FBLN1: variants seen among roughly 807,000 people sequenced by gnomAD.
FBLN1 encodes the protein fibulin-1.
In FBLN1, 34 loss-of-function variants were observed where a neutral mutation model predicts 89.7. The ratio of observed to expected loss-of-function variants is 0.38; its 90% CI spans 0.29 to 0.50. The LOEUF (loss-of-function observed/expected upper bound fraction) is 0.50. Ranked by LOEUF, FBLN1 falls within the 20% of genes least tolerant of loss-of-function variation. The probability of loss-of-function intolerance (pLI) is 0.92; values close to 1 mark genes in which losing one functional copy is unlikely to be tolerated. For missense variants in FBLN1, 777 were observed against 988.1 expected (o/e 0.79, Z 2.86); for synonymous variants, 393 against 391.3 (o/e 1.00, Z -0.05).
chr22:45,531,401 T>C lies in FBLN1; in HGVS notation c.544+77T>C. ...CCAGCAAGGTGGCTCAGGCCTGTAATCCTAGTACTTTGGGAAGCCAAGGCA... is the reference window on the plus strand; with the variant it reads ...CCAGCAAGGTGGCTCAGGCCTGTAACCCTAGTACTTTGGGAAGCCAAGGCA... On this transcript the variant is annotated intron_variant, in intron 5 of 16. Transcript: ENST00000327858. The surrounding 1 kb of genome is among the most constrained non-coding windows in gnomAD (Gnocchi z 4.9). The C allele has an allele frequency of 7.6e-7, 1 of 1,311,518 alleles. No homozygotes were observed. Among genetic ancestry groups the C allele is most frequent in the Non-Finnish European group, 1.1e-6 (1 of 906,814 alleles). 81.2% of individuals were successfully genotyped at this position (1,311,518 alleles called of 1,614,324 possible).
In FBLN1 at chr22:45,600,230, A is replaced by G. The variant is rs2071871; in HGVS notation, c.1973-77A>G. The G allele has an allele frequency of 0.2, 315,375 of 1,583,306 alleles. 43,077 individuals are homozygous for G. The highest frequency in any genetic ancestry group is 0.7 in the African/African-American group (52,347 of 74,466). ...CCTCCTTCTAGCTCTGAAACTCCTC[A>G]AGGGAAACCATTTCCCAGATCTCTA... is the stretch of plus-strand genomic sequence containing the variant. On this transcript the variant is annotated intron_variant, in intron 16 of 16. Coordinates refer to ENST00000327858, the MANE Select transcript of FBLN1 (RefSeq NM_006486.3).
intron 1 of FBLN1, among the ~76,000 whole-genome samples, chr22:45,508,823 G>C (rs1260186787): frequency 6.6e-6 from 1 of 152,194 alleles, no homozygotes; most frequent in East Asian, 1.9e-4. Flanking sequence ...CTTAGGGCAG[G>C]CATGGGGGCA....
chr22:45,576,467 A>G lies in FBLN1; in HGVS notation c.1841-510A>G, dbSNP rs1297904533. Among the ~76,000 whole-genome samples the G allele has an allele frequency of 2.0e-5, 3 of 151,880 alleles. No homozygotes were observed. The highest frequency in any genetic ancestry group is 4.8e-5 in the African/African-American group (2 of 41,334). On this transcript the variant is annotated intron_variant, in intron 15 of 16. Coordinates refer to ENST00000327858, the MANE Select transcript of FBLN1 (RefSeq NM_006486.3). The surrounding 1 kb of genome is among the most constrained non-coding windows in gnomAD (Gnocchi z 5.2). The stretch of plus-strand genomic sequence containing the variant: ...GAGGCCCACAGAGAGGACTCCCCCA[A>G]GACAGCCCAGAGCTGGGGCTGCCCT...
At position 45,600,902 on chromosome 22, in the gene FBLN1, C is replaced by T. The variant is rs7381; in HGVS notation, c.*456C>T. On this transcript the variant is annotated 3_prime_UTR_variant, in exon 17 of 17. Transcript: ENST00000327858. ...CATGGCTGCTGTAGAATAGCACAGA[C>T]GTGGATGATAAATTATCCCCAGAAG... is the stretch of plus-strand genomic sequence containing the variant. The T allele has an allele frequency of 0.1, 21,931 of 220,398 alleles. 1,467 individuals carry two copies. The highest frequency in any genetic ancestry group is 0.2 in the African/African-American group (8,527 of 42,632). 13.7% of individuals were successfully genotyped at this position (220,398 alleles called of 1,614,324 possible). A position where few individuals can be genotyped will look rare whatever the true frequency, so the allele number is the denominator to read the frequency against.
intron 1 of FBLN1, among the ~76,000 whole-genome samples, chr22:45,508,934 T>C (rs757644760): frequency 6.6e-6 from 1 of 152,192 alleles, no homozygotes; most frequent in Non-Finnish European, 1.5e-5. Context: ...AAAGAGACCA[T>C]GCAAGAAAGA....
At chr22:45,516,009 GGC>G (rs2088165055) in intron 1 of FBLN1, among the ~76,000 whole-genome samples, 1 of 152,210 alleles carries the variant, frequency 6.6e-6, no homozygotes, top group Non-Finnish European at 1.5e-5. Flanking sequence ...AGACATTTGT[GGC>G]TATGAGGGTA....
rs1019878569 is a variant in FBLN1, at chr22:45,525,404, G to A, written c.186-139G>A. ...TGAGCTCCTTCTGTATGCCACTGGG[G>A]CACTGTGTATTTCTCTCTCTGTGTC... is the stretch of plus-strand genomic sequence containing the variant. On this transcript the variant is annotated intron_variant, in intron 2 of 16. Transcript: ENST00000327858. 6.5e-6 allele frequency: 5 copies of A among 769,922 alleles called. No homozygotes were observed. In the Admixed American group the frequency reaches 1.1e-4, roughly 17 times the overall value. The allele number at this position is 769,922 out of a possible 1,614,324, so 47.7% of individuals were successfully genotyped here.
Position 45,588,927 on chromosome 22 carries a change from G to A in FBLN1, c.1973-11380G>A, listed in dbSNP as rs939981672. ...CGCCATTACCTGGCCAGCACCGGGA[G>A]GATGTCAGGTGCTTCCAGGCGGACT... On this transcript the variant is annotated intron_variant, in intron 16 of 16. Transcript: ENST00000327858. The surrounding 1 kb of genome is among the most constrained non-coding windows in gnomAD (Gnocchi z 5.1). Among the ~76,000 whole-genome samples, 2 of 151,864 alleles carry A rather than the reference G, an allele frequency of 1.3e-5. No individual in the cohort carries two copies. The highest frequency in any genetic ancestry group is 2.9e-5 in the Non-Finnish European group (2 of 67,972).
At chr22:45,515,455 G>A (rs1034127286) in intron 1 of FBLN1, among the ~76,000 whole-genome samples, 1 of 152,196 alleles carries the variant, frequency 6.6e-6, no homozygotes, top group African/African-American at 2.4e-5. Flanking sequence ...TGATTGTCCT[G>A]CTGAGAGTGA....
rs970944689 is a variant in FBLN1 at position 45,597,778 on chromosome 22, G to A, written c.1973-2529G>A. Among the ~76,000 whole-genome samples, 4 of 152,252 alleles carry A rather than the reference G, an allele frequency of 2.6e-5. No homozygotes were observed. Among genetic ancestry groups the A allele is most frequent in the African/African-American group, 7.2e-5 (3 of 41,472 alleles). Reference sequence around the variant, plus strand: ...GCAAGGGTGCTGACAGCCTGCAGAAGCCTGTGCTTATCTCTCCATCGGAGC... The same window carrying A: ...GCAAGGGTGCTGACAGCCTGCAGAAACCTGTGCTTATCTCTCCATCGGAGC... On this transcript the variant is annotated intron_variant, in intron 16 of 16. Coordinates refer to ENST00000327858, the MANE Select transcript of FBLN1 (RefSeq NM_006486.3). The surrounding 1 kb of genome is among the most constrained non-coding windows in gnomAD (Gnocchi z 4.2).
At chr22:45,551,094 C>T (rs2049605167) in intron 14 of FBLN1, 7 of 255,670 alleles carry the variant, frequency 2.7e-5, no homozygotes, top group South Asian at 5.2e-5. Context: ...GCCTGGTGAC[C>T]GTGTGGGAAC....
intron 16 of FBLN1, among the ~76,000 whole-genome samples, chr22:45,596,071 G>A (rs528811162): frequency 8.5e-5 from 13 of 152,222 alleles, no homozygotes; most frequent in East Asian, 1.9e-4. Flanking sequence ...GGGTTTCACC[G>A]TGTTAGCCAG....
At chr22:45,510,279 TCCCTGGATCCTG>T (rs2088081846) in intron 1 of FBLN1, among the ~76,000 whole-genome samples, 1 of 152,030 alleles carries the variant, frequency 6.6e-6, no homozygotes, top group Non-Finnish European at 1.5e-5. Context: ...TTTGTAGAGG[TCCCTGGATCCTG>T]CTTTGCTTTC....
chr22:45,535,381 G>T (rs777194040), intron 8 of FBLN1, 44 bp downstream of exon 8: 5 of 1,612,074 alleles, frequency 3.1e-6, no homozygotes, highest in East Asian at 4.5e-5. Flanking sequence ...TCCAGGAGGG[G>T]CCAGCGACCT....
intron 13 of FBLN1, 151 bp downstream of exon 13, chr22:45,548,895 C>T (rs965831470): frequency 8.2e-7 from 1 of 1,225,850 alleles, no homozygotes. Context: ...CCCACCCCAT[C>T]CAAGGGGTGT....
chr22:45,533,007 A>C, intron 5 of FBLN1, 56 bp from the exon 6 acceptor site: 1 of 1,517,082 alleles, frequency 6.6e-7, no homozygotes, highest in Non-Finnish European at 9.1e-7. Context: ...ACGGAGCTAG[A>C]AACCAGGCGG....
chr22:45,546,423 C>T (rs1400541602), intron 11 of FBLN1, among the ~76,000 whole-genome samples: 1 of 152,224 alleles, frequency 6.6e-6, no homozygotes, highest in Non-Finnish European at 1.5e-5. Flanking sequence ...ATCATGCTGG[C>T]CAGGCTGGTC....
chr22:45,574,545 A>G lies in FBLN1; in HGVS notation c.1732A>G (p.Ile578Val). The stretch of plus-strand genomic sequence containing the variant: ...GGAGAAGACAGACACGGTCCGCTGC[A>G]TCAAGTCCTGCCGCCCCAACGATGT... ...QQEKTDTVRC[I>V]KSCRPNDVTC... The change falls in exon 15 of 17, where the codon ATC (isoleucine) becomes GTC (valine). Residue 578 changes from isoleucine to valine, a missense_variant. Transcript: ENST00000327858. The surrounding 1 kb of genome is among the most constrained non-coding windows in gnomAD (Gnocchi z 4.1). 6.2e-7 allele frequency: 1 copy of G among 1,614,182 alleles called. No homozygotes were observed. Among genetic ancestry groups the G allele is most frequent in the Non-Finnish European group, 8.5e-7 (1 of 1,180,042 alleles).
chr22:45,600,432 G>A lies in FBLN1; in HGVS notation c.2098G>A (p.Glu700Lys), dbSNP rs921376056. The change falls in exon 17 of 17, where the codon GAG becomes AAG. Residue 700 changes from glutamate to lysine, a missense_variant. Transcript: ENST00000327858. ...NVVNVHIFVS[E>K]YWF ...TGTCAACGTCCACATCTTCGTCTCT[G>A]AGTACTGGTTCTGAGGGCTGGTCTG... The A allele has an allele frequency of 1.9e-6, 3 of 1,614,096 alleles. No homozygotes were observed. In the African/African-American group the frequency reaches 4.0e-5, roughly 22 times the overall value.
Sources: gnomAD v4.1 joint callset for allele counts (sites outside exome capture counted in the v4.1 genomes callset) on GRCh38, gnomAD v4.1.1 for gene constraint, Gnocchi (gnomAD v3.1) non-coding constraint, MANE v1.5 for transcripts, NCBI Gene and HGNC (gene_info 2026-07-23, HGNC 2026-07-21) for gene names.